Variants in CFAP57 observed in about 807,000 individuals in gnomAD.
CFAP57 encodes the protein cilia and flagella associated protein 57.
A neutral mutation model predicts 146.8 loss-of-function variants in CFAP57; 116 were observed. That is an observed-to-expected ratio of 0.79 (90% CI 0.68 to 0.92). CFAP57 has a LOEUF of 0.92. CFAP57 is among the 40% of genes least tolerant of loss of function. The probability of loss-of-function intolerance (pLI) is 0.00; values close to 1 mark genes in which losing one functional copy is unlikely to be tolerated. For synonymous variants in CFAP57, 518 were observed against 552.8 expected, an observed-to-expected ratio of 0.94 and a Z score of 0.88; for missense variants, 1,377 against 1,527.2, an observed-to-expected ratio of 0.90 and a Z score of 1.64.
chr1:43,182,600 T>A (rs774176325), intron 3 of CFAP57, among the ~76,000 whole-genome samples: 2 of 152,184 alleles, frequency 1.3e-5, no homozygotes, highest in Non-Finnish European at 2.9e-5. Flanking sequence ...TTCCTAGTAA[T>A]AGAGAAGTTG....
chr1:43,191,441 G>A (rs1643515459), intron 6 of CFAP57, among the ~76,000 whole-genome samples: 2 of 152,086 alleles, frequency 1.3e-5, no homozygotes, highest in South Asian at 4.2e-4. Flanking sequence ...CAAAAAATTA[G>A]CCAGGCATGG....
At chr1:43,224,342 G>A in intron 17 of CFAP57, 138 bp downstream of exon 17, 1 of 1,014,792 alleles carries the variant, frequency 9.9e-7, no homozygotes. Flanking sequence ...CGTCAGTGAA[G>A]TGCCTGTTGT....
At chr1:43,226,953 T>C (rs908492890) in intron 17 of CFAP57, 30 bp from the exon 18 acceptor site, 1 of 1,472,136 alleles carries the variant, frequency 6.8e-7, no homozygotes, top group Non-Finnish European at 9.0e-7. Flanking sequence ...CCTTACAATA[T>C]CTCTCACTTC....
intron 10 of CFAP57, among the ~76,000 whole-genome samples, chr1:43,209,210 T>C (rs1644487616): frequency 6.6e-6 from 1 of 152,184 alleles, no homozygotes; most frequent in Admixed American, 6.5e-5. Context: ...GGGAGACTAA[T>C]GTATGGTTTT....
intron 12 of CFAP57, 131 bp from the exon 13 acceptor site, chr1:43,219,251 C>T: frequency 2.1e-6 from 2 of 969,156 alleles, no homozygotes; most frequent in Non-Finnish European, 2.9e-6. Flanking sequence ...GAAAAGATGA[C>T]AAGTTCTAGT....
chr1:43,224,223 C>A lies in CFAP57; in HGVS notation c.2865+19C>A. 1 of 1,513,322 alleles carries A rather than the reference C, an allele frequency of 6.6e-7. No individual in the cohort carries two copies. Among genetic ancestry groups the A allele is most frequent in the East Asian group, 2.5e-5 (1 of 40,486 alleles). The allele number at this position is 1,513,322 out of a possible 1,614,324, so 93.7% of individuals were successfully genotyped here. ...AGACAAGGTGCAGCTCTCCTTCTGT[C>A]CTCCCTCAGCTACGGCCAGATGGGC... is the stretch of plus-strand genomic sequence containing the variant. On this transcript the variant is annotated intron_variant, in intron 17 of 22. Coordinates refer to ENST00000372492, the MANE Select transcript of CFAP57 (RefSeq NM_001378189.1).
In CFAP57 at chr1:43,221,356, T is replaced by C; in HGVS notation, c.2248-16T>C. 2.0e-6 allele frequency: 3 copies of C among 1,528,040 alleles called. No individual in the cohort carries two copies. The South Asian group carries it at 3.7e-5, about 19-fold the overall frequency. The allele number at this position is 1,528,040 out of a possible 1,614,324, so 94.7% of individuals were successfully genotyped here. A position where few individuals can be genotyped will look rare whatever the true frequency, so the allele number is the denominator to read the frequency against. ...CAGCAGATGTGTGTAAATGAGGAAATGTGACTCTGTTTTAGGTCTTAAGAA... is the reference window on the plus strand; with the variant it reads ...CAGCAGATGTGTGTAAATGAGGAAACGTGACTCTGTTTTAGGTCTTAAGAA... On this transcript the variant is annotated splice_polypyrimidine_tract_variant and intron_variant, in intron 13 of 22. Coordinates refer to ENST00000372492, the MANE Select transcript of CFAP57 (RefSeq NM_001378189.1).
In CFAP57 at chr1:43,209,817, T is replaced by C; in HGVS notation, c.1830T>C (p.Phe610=). Residue 610 remains phenylalanine, a synonymous_variant, in exon 11 of 23, where the codon TTT becomes TTC. Transcript: ENST00000372492. ...TCTCGCATTCTGGACGCATGATGTT[T>C]GTGGGCACCTCGGTGGGAACCATTC... The part of the protein sequence containing the change: ...IVISHSGRMM[F]VGTSVGTIRA... The C allele has an allele frequency of 6.2e-7, 1 of 1,614,210 alleles. No homozygotes were observed.
Position 43,206,817 on chromosome 1 carries a change from A to C in CFAP57, c.1640A>C (p.Glu547Ala), listed in dbSNP as rs1557771437. 1 of 1,614,052 alleles carries C rather than the reference A, an allele frequency of 6.2e-7. No homozygotes were observed. The highest frequency in any genetic ancestry group is 8.5e-7 in the Non-Finnish European group (1 of 1,180,034). Residue 547 changes from glutamate to alanine, a missense_variant, in exon 10 of 23, where the codon GAG becomes GCG. Coordinates refer to ENST00000372492, the MANE Select transcript of CFAP57 (RefSeq NM_001378189.1). The stretch of plus-strand genomic sequence containing the variant: ...TGGAATCTGTCCACAGGAAAGAGAG[A>C]GACAGAATGCGTGCTCAAGTCTTGC... ...YEWNLSTGKR[E>A]TECVLKSCSY...
intron 6 of CFAP57, among the ~76,000 whole-genome samples, chr1:43,188,308 A>G (rs1406282228): frequency 6.6e-6 from 1 of 152,184 alleles, no homozygotes. Context: ...TAGAAGTGGA[A>G]TTGCTGAGTC....
intron 2 of CFAP57, chr1:43,177,196 G>A (rs1215225302): frequency 2.2e-6 from 1 of 456,278 alleles, no homozygotes; most frequent in East Asian, 6.9e-5. Flanking sequence ...GCTGAGGGAT[G>A]ATTGCTGTAA....
chr1:43,210,094 A>G (rs1337554786), intron 11 of CFAP57, 178 bp downstream of exon 11: 1 of 1,613,492 alleles, frequency 6.2e-7, no homozygotes, highest in Admixed American at 1.7e-5. Context: ...AACTACTTCC[A>G]GGAATTTAGC....
intron 6 of CFAP57, among the ~76,000 whole-genome samples, chr1:43,194,442 T>G (rs1210442850): frequency 6.6e-6 from 1 of 152,182 alleles, no homozygotes; most frequent in African/African-American, 2.4e-5. Context: ...GTGTTTTTCC[T>G]ACTTGGAGTT....
intron 18 of CFAP57, among the ~76,000 whole-genome samples, chr1:43,230,284 T>G (rs1035487068): frequency 6.6e-6 from 1 of 152,206 alleles, no homozygotes; most frequent in Admixed American, 6.5e-5. Context: ...CAGCTGCCAT[T>G]GCCTTGGCCT....
chr1:43,232,251 G>C (rs1645501656), intron 18 of CFAP57: 1 of 592,752 alleles, frequency 1.7e-6, no homozygotes. Flanking sequence ...GAAGGAAAGG[G>C]AAAGTGACTC....
At position 43,172,340 on chromosome 1, in the gene CFAP57, T is replaced by C; in HGVS notation, c.-133T>C. On this transcript the variant is annotated 5_prime_UTR_variant, in exon 1 of 23. Coordinates refer to ENST00000372492, the MANE Select transcript of CFAP57 (RefSeq NM_001378189.1). The stretch of plus-strand genomic sequence containing the variant: ...CCGGCGGCAAACCATACTTCCGGTT[T>C]GTCGTTGCTATAGGAACCGCTACGG... 1 of 1,551,654 alleles carries C rather than the reference T, an allele frequency of 6.4e-7. No homozygotes were observed. The highest frequency in any genetic ancestry group is 8.7e-7 in the Non-Finnish European group (1 of 1,146,978).
At chr1:43,172,956 C>T in intron 2 of CFAP57, 46 bp downstream of exon 2, 1 of 1,508,386 alleles carries the variant, frequency 6.6e-7, no homozygotes, top group South Asian at 1.1e-5. Context: ...GTATGTGCCA[C>T]ATATAACCCC....
At position 43,254,029 on chromosome 1, in the gene CFAP57, AG is replaced by A; in HGVS notation, c.3592del (p.Glu1198LysfsTer12). 1 of 1,550,650 alleles carries A rather than the reference AG, an allele frequency of 6.4e-7. No homozygotes were observed. Among genetic ancestry groups the A allele is most frequent in the Non-Finnish European group, 8.7e-7 (1 of 1,147,020 alleles). On this transcript the variant is annotated frameshift_variant, in exon 23 of 23. Transcript: ENST00000372492. LOFTEE classifies it high-confidence loss of function. Reference protein sequence around the residue: ...TAPTARLNEQEETGRIIEMQR... With the variant: ...TAPTARLNEQXETGRIIEMQR... ...CTCCCACCGCAAGGTTGAATGAGCA[AG>A]AAGAAACTGGGAGGATCATTGAAAT... is the stretch of plus-strand genomic sequence containing the variant.
Position 43,197,594 on chromosome 1 carries a change from C to T in CFAP57, c.1164C>T (p.His388=). Residue 388 remains histidine (H), a synonymous_variant, in exon 7 of 23, where the codon CAC becomes CAT. Coordinates refer to ENST00000372492, the MANE Select transcript of CFAP57 (RefSeq NM_001378189.1). ...AHFEYLMYPL[H]SAPITGLATC... is the part of the protein sequence containing the mutation. ...TTGAGTATTTGATGTATCCATTGCA[C>T]TCAGCACCCATCACCGGTCTAGCTA... 4 of 1,614,126 alleles carry T rather than the reference C, an allele frequency of 2.5e-6. No individual in the cohort carries two copies. Among genetic ancestry groups the T allele is most frequent in the African/African-American group, 1.3e-5 (1 of 75,002 alleles).
Sources: allele counts gnomAD v4.1 joint callset (sites outside exome capture counted in the v4.1 genomes callset), GRCh38; gene constraint gnomAD v4.1.1; transcripts MANE v1.5; gene names NCBI Gene and HGNC (gene_info 2026-07-23, HGNC 2026-07-21).